The following WNK2 variants were observed in gnomAD, a reference collection of about 807,000 sequenced individuals.
The protein encoded by WNK2 is serine/threonine-protein kinase WNK2.
A neutral mutation model predicts 192.1 loss-of-function variants in WNK2; 67 were observed. The observed-to-expected ratio is 0.35, with a 90% confidence interval of 0.29 to 0.43. The LOEUF (loss-of-function observed/expected upper bound fraction) is 0.43, where lower values mean the gene tolerates loss of function less well. Among genes scored for constraint, WNK2 ranks in the 20% least tolerant of loss-of-function variants. The pLI is 1.00. For synonymous variants in WNK2, 1,439 were observed against 1,393.9 expected (o/e 1.03, Z -0.72); for missense variants, 2,698 against 3,089.7 (o/e 0.87, Z 3.01).
At chr9:93,218,413 G>C (rs1377105881) in intron 2 of WNK2, among the ~76,000 whole-genome samples, 1 of 152,134 alleles carries the variant, frequency 6.6e-6, no homozygotes, top group East Asian at 1.9e-4. Flanking sequence ...TCAGATGCAG[G>C]GGTGGCCGCC....
rs141854263 is a variant in WNK2, at chr9:93,281,853, C to T, written c.4034-6935C>T. 1.2e-4 allele frequency among the ~76,000 whole-genome samples: 19 copies of T among 152,268 alleles called. No individual in the cohort carries two copies. In the East Asian group the frequency reaches 2.1e-3, roughly 17 times the overall value. On this transcript the variant is annotated intron_variant, in intron 19 of 29. Transcript: ENST00000427277. Reference sequence around the variant, plus strand: ...AGTGGACAAGGAATAGTGCTGTCCTCGCAGTGCTGAAGGAAATAAGCCCCA... The same window carrying T: ...AGTGGACAAGGAATAGTGCTGTCCTTGCAGTGCTGAAGGAAATAAGCCCCA...
chr9:93,218,423 C>G (rs1193251271), intron 2 of WNK2, among the ~76,000 whole-genome samples: 1 of 152,192 alleles, frequency 6.6e-6, no homozygotes. Flanking sequence ...GGGTGGCCGC[C>G]TGGCCTGTGC....
chr9:93,312,152 C>G (rs757767952), intron 28 of WNK2, among the ~76,000 whole-genome samples: 2 of 152,084 alleles, frequency 1.3e-5, no homozygotes, highest in South Asian at 4.1e-4. Context: ...TCTGCATAAT[C>G]CAGATATTAA....
intron 2 of WNK2, among the ~76,000 whole-genome samples, chr9:93,226,307 TCTA>T (rs1837809286): frequency 6.6e-6 from 1 of 152,244 alleles, no homozygotes; most frequent in Non-Finnish European, 1.5e-5. Flanking sequence ...GAAATGCTAT[TCTA>T]CTATTTGTTT....
chr9:93,196,505 G>T (rs1587793446), intron 2 of WNK2, among the ~76,000 whole-genome samples: 1 of 152,168 alleles, frequency 6.6e-6, no homozygotes, highest in South Asian at 2.1e-4. Context: ...CTACAGTAGG[G>T]CTGCCACAGC....
intron 23 of WNK2, among the ~76,000 whole-genome samples, chr9:93,297,315 G>A (rs1192454970): frequency 6.6e-6 from 1 of 152,164 alleles, no homozygotes; most frequent in Admixed American, 6.5e-5. Flanking sequence ...TCACCTGCGG[G>A]GTGATGTGGG....
chr9:93,292,161 C>A, intron 21 of WNK2, 147 bp from the exon 22 acceptor site: 1 of 741,736 alleles, frequency 1.3e-6, no homozygotes, highest in Non-Finnish European at 2.3e-6. Flanking sequence ...GCACACACAG[C>A]TGGCTCCTCC....
At chr9:93,210,788 C>T (rs1013960084) in intron 2 of WNK2, among the ~76,000 whole-genome samples, 2 of 152,152 alleles carry the variant, frequency 1.3e-5, no homozygotes, top group Admixed American at 6.5e-5. Context: ...TCTCCAGATG[C>T]TCATTGTCTC....
rs761824909 is a variant in WNK2 at position 93,289,994 on chromosome 9, T to C, written c.4883T>C (p.Leu1628Pro). The C allele has an allele frequency of 7.0e-6, 11 of 1,576,316 alleles. No homozygotes were observed. The highest frequency in any genetic ancestry group is 1.7e-4 in the Middle Eastern group (1 of 5,912). ...TTTCTCCAGGTGGAGAAGTCAGAAC[T>C]GGCCCCCACTCGAGGGGCCGTGATG... The part of the protein sequence containing the change: ...LPQPLVEKSE[L>P]APTRGAVMEQ... Residue 1628 changes from leucine (L) to proline (P), a missense_variant, in exon 21 of 30, where the codon CTG (leucine) becomes CCG (proline). Leu to Pro is a moderately conservative substitution (Grantham distance 98). Around this residue, in one of 7 missense-constraint regions of WNK2, gnomAD observed 1,098 missense variants for 1,101.0 expected, o/e 1.00. Transcript: ENST00000427277.
intron 19 of WNK2, among the ~76,000 whole-genome samples, chr9:93,276,956 A>G (rs1203173972): frequency 1.3e-5 from 2 of 151,684 alleles, no homozygotes; most frequent in African/African-American, 4.8e-5. Context: ...AATTGCTTGA[A>G]CCCAGGAGGC....
chr9:93,251,625 G>A (rs1283699521), intron 8 of WNK2, among the ~76,000 whole-genome samples: 2 of 152,188 alleles, frequency 1.3e-5, no homozygotes, highest in Admixed American at 6.5e-5. Context: ...CAGGAGAATT[G>A]CTTGAGCCTG....
At chr9:93,227,016 GCCAAGCCCTC>G (rs1439566672) in intron 2 of WNK2, among the ~76,000 whole-genome samples, 1 of 152,086 alleles carries the variant, frequency 6.6e-6, no homozygotes, top group African/African-American at 2.4e-5. Context: ...TGTGAACCCT[GCCAAGCCCTC>G]CTCTGAGGGC....
At position 93,259,077 on chromosome 9, in the gene WNK2, C is replaced by T. The variant is rs777738085; in HGVS notation, c.2529C>T (p.Leu843=). Residue 843 remains leucine (L), a synonymous_variant, in exon 12 of 30, where the codon CTC becomes CTT. Transcript: ENST00000427277. The surrounding 1 kb of genome is among the most constrained non-coding windows in gnomAD (Gnocchi z 4.8). ...YFSPAVILPS[L]AAPLPPASPA... ...CTCCAGCCGTGATCTTGCCGAGCCT[C>T]GCTGCCCCACTCCCCCCTGCGTCCC... 84 of 1,613,126 alleles carry T rather than the reference C, an allele frequency of 5.2e-5. No individual in the cohort carries two copies. Among genetic ancestry groups the T allele is most frequent in the East Asian group, 3.8e-4 (17 of 44,858 alleles).
Position 93,268,656 on chromosome 9 carries a change from A to G in WNK2, c.3943A>G (p.Ile1315Val). 1 of 1,613,402 alleles carries G rather than the reference A, an allele frequency of 6.2e-7. No individual in the cohort carries two copies. The highest frequency in any genetic ancestry group is 8.5e-7 in the Non-Finnish European group (1 of 1,179,788). ...GCACACCGGGAAGAGGTGGTTCATC[A>G]TCTGTCCGGTGGCTGAGCACCCCGC... ...VLHTGKRWFI[I>V]CPVAEHPAPE... Residue 1315 changes from isoleucine to valine, a missense_variant, in exon 19 of 30, where the codon ATC (isoleucine) becomes GTC (valine). Ile to Val is a conservative substitution (Grantham distance 29). Around this residue, in one of 7 missense-constraint regions of WNK2, gnomAD observed 1,098 missense variants for 1,101.0 expected, o/e 1.00. Coordinates refer to ENST00000427277, the MANE Select transcript of WNK2 (RefSeq NM_006648.4).
intron 2 of WNK2, among the ~76,000 whole-genome samples, chr9:93,212,138 T>C (rs1834907001): frequency 6.6e-6 from 1 of 152,270 alleles, no homozygotes; most frequent in Non-Finnish European, 1.5e-5. Flanking sequence ...ATTCACTGGC[T>C]TATTAATTCA....
intron 12 of WNK2, 131 bp from the exon 13 acceptor site, chr9:93,261,683 C>T: frequency 9.4e-7 from 1 of 1,063,146 alleles, no homozygotes; most frequent in Admixed American, 2.3e-5. Context: ...CAGGGACTCC[C>T]CTTGGGGAGG....
intron 19 of WNK2, among the ~76,000 whole-genome samples, chr9:93,274,428 C>T (rs1475696685): frequency 1.3e-5 from 2 of 149,638 alleles, no homozygotes; most frequent in African/African-American, 5.0e-5. Context: ...AGGAGAATGG[C>T]GTGAACCCAG....
At chr9:93,313,105 C>T (rs117381209) in intron 28 of WNK2, among the ~76,000 whole-genome samples, 2,489 of 152,302 alleles carry the variant, frequency 0.016, 38 homozygotes, top group Non-Finnish European at 0.026. Context: ...ATTTTCCTGA[C>T]TTCCTGTAGT....
Position 93,259,508 on chromosome 9 carries a change from C to T in WNK2, c.2960C>T (p.Pro987Leu). The T allele has an allele frequency of 6.4e-7, 1 of 1,571,836 alleles. No homozygotes were observed. Among genetic ancestry groups the T allele is most frequent in the Non-Finnish European group, 8.6e-7 (1 of 1,162,868 alleles). ...QPVLPPQPML[P>L]PQPVLPPQPA... ...GTGCTGCCCCCGCAACCCATGCTGC[C>T]CCCACAACCTGTGCTGCCCCCGCAG... Residue 987 changes from proline (P) to leucine (L), a missense_variant, in exon 12 of 30, where the codon CCC (proline) becomes CTC (leucine). By Grantham distance (98) the Pro-to-Leu change is moderately conservative. Coordinates refer to ENST00000427277, the MANE Select transcript of WNK2 (RefSeq NM_006648.4). This position sits in a 1 kb window ranked among gnomAD's most constrained non-coding sequence, Gnocchi z 4.8.
Sources: gnomAD v4.1 joint callset for allele counts (sites outside exome capture counted in the v4.1 genomes callset) on GRCh38, gnomAD v4.1.1 for gene constraint, gnomAD v4.1.1 regional missense constraint, Gnocchi (gnomAD v3.1) non-coding constraint, MANE v1.5 for transcripts, NCBI Gene and HGNC (gene_info 2026-07-23, HGNC 2026-07-21) for gene names.